HMCN2: variants seen among roughly 807,000 people sequenced by gnomAD.
HMCN2 encodes hemicentin-2.
Under a neutral mutation model 377.5 loss-of-function variants are expected in HMCN2, and 325 were observed. That is an observed-to-expected ratio of 0.86 (90% CI 0.79 to 0.94). HMCN2 has a LOEUF of 0.94. HMCN2 is among the 40% of genes least tolerant of loss of function. The pLI is 0.00. For synonymous variants in HMCN2, 2,007 were observed against 2,046.8 expected, an observed-to-expected ratio of 0.98 and a Z score of 0.53; for missense variants, 4,543 against 4,725.3, an observed-to-expected ratio of 0.96 and a Z score of 1.13.
rs902461597 is a variant in HMCN2, at chr9:130,368,346, A to G, written c.6696A>G (p.Gly2232=). Residue 2232 remains glycine, a synonymous_variant, in exon 44 of 98, where the codon GGA becomes GGG. Coordinates refer to ENST00000683500, the MANE Select transcript of HMCN2 (RefSeq NM_001291815.2). ...VSAVGRLLYL[G]QAQLAQEGTY... Reference sequence around the variant, plus strand: ...CTGTGGGGAGGCTGTTGTACCTGGGACAGGCCCAGCTGGCTCAGGAAGGAA... The same window carrying G: ...CTGTGGGGAGGCTGTTGTACCTGGGGCAGGCCCAGCTGGCTCAGGAAGGAA... The G allele has an allele frequency of 1.0e-5, 10 of 985,660 alleles. No individual in the cohort carries two copies. Among genetic ancestry groups the G allele is most frequent in the Non-Finnish European group, 1.1e-5 (9 of 829,932 alleles). 61.1% of individuals were successfully genotyped at this position (985,660 alleles called of 1,614,324 possible). A position where few individuals can be genotyped will look rare whatever the true frequency, so the allele number is the denominator to read the frequency against.
In HMCN2 at chr9:130,308,619, G is replaced by A. The variant is rs1837033278; in HGVS notation, c.2200+1053G>A. ...AGGTGATATTAGCTCAGAGTTGAGC[G>A]TTTTTTTTAGGGTCACCAGCAAGTG... On this transcript the variant is annotated intron_variant, in intron 14 of 97. Transcript: ENST00000683500. This position sits in a 1 kb window ranked among gnomAD's most constrained non-coding sequence, Gnocchi z 4.1. 2.0e-5 allele frequency among the ~76,000 whole-genome samples: 3 copies of A among 151,888 alleles called. No individual in the cohort carries two copies. The highest frequency in any genetic ancestry group is 4.2e-4 in the South Asian group (2 of 4,798).
At position 130,358,404 on chromosome 9, in the gene HMCN2, C is replaced by T. The variant is rs765566239; in HGVS notation, c.5595C>T (p.Asp1865=). 1.8e-5 allele frequency: 23 copies of T among 1,303,902 alleles called. No homozygotes were observed. The African/African-American group carries it at 3.3e-4, about 19-fold the overall frequency. The allele number at this position is 1,303,902 out of a possible 1,614,324, so 80.8% of individuals were successfully genotyped here. A position where few individuals can be genotyped will look rare whatever the true frequency, so the allele number is the denominator to read the frequency against. Residue 1865 remains aspartate (D), a synonymous_variant, in exon 36 of 98, where the codon GAC becomes GAT. Coordinates refer to ENST00000683500, the MANE Select transcript of HMCN2 (RefSeq NM_001291815.2). The part of the protein sequence containing the change: ...FGGNLQIEKV[D]LRDEGIYTCA... ...CTCCCCTCCAGATTGAGAAGGTGGA[C>T]CTGAGGGACGAGGGCATCTACACTT...
chr9:130,349,801 C>A, intron 29 of HMCN2, 138 bp downstream of exon 29: 2 of 795,964 alleles, frequency 2.5e-6, no homozygotes, highest in African/African-American at 1.9e-5. Flanking sequence ...AGACTGAGGG[C>A]TGTAGGGGCG....
chr9:130,379,292 C>A lies in HMCN2; in HGVS notation c.8256C>A (p.Phe2752Leu). Residue 2752 changes from phenylalanine (F) to leucine (L), a missense_variant, in exon 54 of 98, where the codon TTC becomes TTA. By Grantham distance (22) the Phe-to-Leu change is conservative (BLOSUM62 0). Coordinates refer to ENST00000683500, the MANE Select transcript of HMCN2 (RefSeq NM_001291815.2). ...FQKVGDFSAA[F>L]EILSREEEAR... ...AGGTGGGTGATTTCAGTGCAGCCTT[C>A]GAGATCCTGTCCCGGGAGGAGGAGG... 1.0e-6 allele frequency: 1 copy of A among 985,708 alleles called. No homozygotes were observed. The highest frequency in any genetic ancestry group is 1.2e-6 in the Non-Finnish European group (1 of 829,930). 61.1% of individuals were successfully genotyped at this position (985,708 alleles called of 1,614,324 possible). A position where few individuals can be genotyped will look rare whatever the true frequency, so the allele number is the denominator to read the frequency against.
Position 130,394,499 on chromosome 9 carries a change from A to G in HMCN2, c.10616A>G (p.His3539Arg). 7.8e-7 allele frequency: 1 copy of G among 1,289,824 alleles called. No individual in the cohort carries two copies. Among genetic ancestry groups the G allele is most frequent in the Non-Finnish European group, 1.0e-6 (1 of 988,860 alleles). 79.9% of individuals were successfully genotyped at this position (1,289,824 alleles called of 1,614,324 possible). ...ACCCCCCAGCCCAACATCACCTGGCATAAGGACGGGCAGGCCCTGACCAGG... is the reference window on the plus strand; with the variant it reads ...ACCCCCCAGCCCAACATCACCTGGCGTAAGGACGGGCAGGCCCTGACCAGG... The part of the protein sequence containing the change: ...QGTPQPNITW[H>R]KDGQALTRLE... The change falls in exon 69 of 98, where the codon CAT becomes CGT. Residue 3539 changes from histidine to arginine, a missense_variant. Transcript: ENST00000683500. The surrounding 1 kb of genome is among the most constrained non-coding windows in gnomAD (Gnocchi z 5.1).
chr9:130,374,725 G>T (rs765253973), intron 49 of HMCN2, 32 bp downstream of exon 49: 69 of 980,252 alleles, frequency 7.0e-5, no homozygotes, highest in Admixed American at 1.2e-4. Context: ...GCCACCGCGG[G>T]TGCTGGAGGG....
chr9:130,395,496 C>A, intron 71 of HMCN2, 149 bp downstream of exon 71: 1 of 658,654 alleles, frequency 1.5e-6, no homozygotes, highest in Non-Finnish European at 2.2e-6. Context: ...ATACCCCCCG[C>A]CATTGTCATT....
At chr9:130,371,881 T>C (rs1841041418) in intron 46 of HMCN2, among the ~76,000 whole-genome samples, 1 of 152,214 alleles carries the variant, frequency 6.6e-6, no homozygotes, top group African/African-American at 2.4e-5. Flanking sequence ...TGGGAGACCC[T>C]TGGGTTCCTC....
At chr9:130,395,621 T>C (rs1356853079) in intron 71 of HMCN2, among the ~76,000 whole-genome samples, 2 of 152,194 alleles carry the variant, frequency 1.3e-5, no homozygotes, top group Non-Finnish European at 2.9e-5. Context: ...AGCAGCTGTG[T>C]GGCCTGGACC....
intron 54 of HMCN2, among the ~76,000 whole-genome samples, chr9:130,380,513 G>A (rs1160509302): frequency 3.3e-5 from 5 of 152,110 alleles, no homozygotes; most frequent in African/African-American, 9.7e-5. Flanking sequence ...GTGGCTGGGC[G>A]CCGTGGCTCA....
At chr9:130,363,211 A>C (rs1840479441) in intron 40 of HMCN2, among the ~76,000 whole-genome samples, 2 of 152,196 alleles carry the variant, frequency 1.3e-5, no homozygotes, top group Non-Finnish European at 2.9e-5. Flanking sequence ...CCGCATAGCC[A>C]GGAGCTCTGC....
At chr9:130,407,837 TC>T in intron 83 of HMCN2, 132 bp downstream of exon 83, 1 of 606,570 alleles carries the variant, frequency 1.6e-6, no homozygotes, top group Non-Finnish European at 2.2e-6. Flanking sequence ...CATGTTAGAA[TC>T]CCCTGGGGGA....
At chr9:130,310,089 C>A in intron 15 of HMCN2, 28 bp downstream of exon 15, 1 of 498,494 alleles carries the variant, frequency 2.0e-6, no homozygotes, top group Non-Finnish European at 4.2e-6. Flanking sequence ...CTCCCCCTCC[C>A]CTGCCCATTC....
At chr9:130,358,922 C>T (rs983370275) in intron 36 of HMCN2, among the ~76,000 whole-genome samples, 7 of 152,206 alleles carry the variant, frequency 4.6e-5, no homozygotes, top group Admixed American at 3.9e-4. Context: ...GATCCGCCCG[C>T]CTCGGCCTCC....
intron 54 of HMCN2, among the ~76,000 whole-genome samples, chr9:130,380,661 C>T (rs1250551886): frequency 1.3e-5 from 2 of 151,938 alleles, no homozygotes; most frequent in Non-Finnish European, 2.9e-5. Context: ...GTGGCATGTA[C>T]CTGTGGTCCC....
intron 15 of HMCN2, among the ~76,000 whole-genome samples, chr9:130,316,644 T>C (rs1837576605): frequency 6.6e-6 from 1 of 152,130 alleles, no homozygotes; most frequent in African/African-American, 2.4e-5. Flanking sequence ...ACATCACCTG[T>C]CTCTGGATGC....
intron 1 of HMCN2, among the ~76,000 whole-genome samples, chr9:130,275,701 C>T (rs1290640912): frequency 3.9e-5 from 6 of 152,202 alleles, no homozygotes; most frequent in South Asian, 4.1e-4. Context: ...CCCCCTGCCT[C>T]GGCTTCCCAA....
intron 7 of HMCN2, 52 bp downstream of exon 7, chr9:130,296,846 G>A (rs936921039): frequency 2.2e-6 from 1 of 464,082 alleles, no homozygotes; most frequent in African/African-American, 2.0e-5. Context: ...GAAGACCTGG[G>A]GCTTGGCTTT....
intron 5 of HMCN2, 108 bp downstream of exon 5, chr9:130,295,134 C>G (rs1554931552): frequency 6.8e-6 from 2 of 295,692 alleles, no homozygotes; most frequent in African/African-American, 2.3e-5. Flanking sequence ...AGACATGAGG[C>G]TCCAGGAATA....
Sources: allele counts gnomAD v4.1 joint callset (sites outside exome capture counted in the v4.1 genomes callset), GRCh38; gene constraint gnomAD v4.1.1; non-coding constraint Gnocchi (gnomAD v3.1); transcripts MANE v1.5; gene names NCBI Gene and HGNC (gene_info 2026-07-23, HGNC 2026-07-21).